ATP8A2: variants seen among roughly 807,000 people sequenced by gnomAD.
ATP8A2 encodes the protein phospholipid-transporting ATPase IB.
In ATP8A2, 100 loss-of-function variants were observed where a neutral mutation model predicts 165.6. The ratio of observed to expected loss-of-function variants is 0.60; its 90% CI spans 0.51 to 0.71. The LOEUF is 0.71. Ranked by LOEUF, ATP8A2 falls within the 30% of genes least tolerant of loss-of-function variation. The pLI is 0.00. For missense variants in ATP8A2, 1,227 were observed against 1,479.5 expected, an observed-to-expected ratio of 0.83 and a Z score of 2.80; for synonymous variants, 543 against 548.8, an observed-to-expected ratio of 0.99 and a Z score of 0.15.
At chr13:25,517,607 C>T (rs9581368) in intron 2 of ATP8A2, among the ~76,000 whole-genome samples, 9,015 of 152,236 alleles carry the variant, frequency 0.059, 341 homozygotes, top group South Asian at 0.13. Context: ...GGTCAGCAGT[C>T]GACTTCCATT....
At chr13:25,698,485 C>T (rs577549757) in intron 24 of ATP8A2, among the ~76,000 whole-genome samples, 19 of 152,210 alleles carry the variant, frequency 1.2e-4, no homozygotes, top group African/African-American at 2.4e-4. Flanking sequence ...CCTCCTGTCT[C>T]GGCCTCCTAA....
chr13:25,517,441 A>C (rs2037516504), intron 2 of ATP8A2, among the ~76,000 whole-genome samples: 1 of 152,210 alleles, frequency 6.6e-6, no homozygotes, highest in Admixed American at 6.5e-5. Context: ...GTTGAGATAA[A>C]GTGTTTCATG....
intron 13 of ATP8A2, among the ~76,000 whole-genome samples, chr13:25,555,979 A>G (rs1452940032): frequency 6.6e-6 from 1 of 152,136 alleles, no homozygotes; most frequent in Non-Finnish European, 1.5e-5. Flanking sequence ...TATGTATTCC[A>G]TGGTGTATAT....
At chr13:25,475,675 C>T (rs1007822575) in intron 2 of ATP8A2, among the ~76,000 whole-genome samples, 20 of 152,166 alleles carry the variant, frequency 1.3e-4, no homozygotes, top group African/African-American at 4.3e-4. Flanking sequence ...ACCTCACCAG[C>T]GTATGTTATA....
intron 33 of ATP8A2, among the ~76,000 whole-genome samples, chr13:25,883,879 C>T (rs182612080): frequency 1.1e-4 from 16 of 152,230 alleles, no homozygotes; most frequent in African/African-American, 3.6e-4. Context: ...AGACCTTGAG[C>T]GACCTTCTTG....
chr13:25,603,352 G>A (rs1420726374), intron 24 of ATP8A2, among the ~76,000 whole-genome samples: 1 of 151,570 alleles, frequency 6.6e-6, no homozygotes, highest in Non-Finnish European at 1.5e-5. Context: ...TTTAGCCAGT[G>A]TGGTGGTGCT....
intron 25 of ATP8A2, among the ~76,000 whole-genome samples, chr13:25,703,140 C>T (rs745564067): frequency 7.2e-5 from 11 of 152,114 alleles, no homozygotes; most frequent in East Asian, 1.9e-4. Flanking sequence ...AGTGCAGTGG[C>T]GCTATCTCAG....
At chr13:25,961,809 A>G in intron 34 of ATP8A2, 146 bp downstream of exon 34, 1 of 626,542 alleles carries the variant, frequency 1.6e-6, no homozygotes, top group South Asian at 2.0e-5. Flanking sequence ...TGAAAAAAAA[A>G]TTTTTTTAGT....
At chr13:25,973,432 TG>T (rs1003657898) in intron 35 of ATP8A2, among the ~76,000 whole-genome samples, 2 of 152,138 alleles carry the variant, frequency 1.3e-5, no homozygotes, top group African/African-American at 2.4e-5. Context: ...CTTGGACAGG[TG>T]GCCTGGGATC....
chr13:25,522,036 A>G (rs567704285), intron 2 of ATP8A2, among the ~76,000 whole-genome samples: 3 of 151,116 alleles, frequency 2.0e-5, no homozygotes, highest in East Asian at 3.9e-4. Flanking sequence ...TAGGGATTAT[A>G]TTGAATCTGT....
intron 2 of ATP8A2, among the ~76,000 whole-genome samples, chr13:25,472,861 G>T (rs983967810): frequency 6.6e-6 from 1 of 152,114 alleles, no homozygotes; most frequent in Non-Finnish European, 1.5e-5. Context: ...AGCCAGTTTT[G>T]GTTTGAAACC....
chr13:25,890,826 A>G (rs1230876988), intron 33 of ATP8A2, among the ~76,000 whole-genome samples: 2 of 152,250 alleles, frequency 1.3e-5, no homozygotes, highest in African/African-American at 2.4e-5. Flanking sequence ...CTTTGGAAAC[A>G]GAAGGTATTG....
Position 25,641,334 on chromosome 13 carries a change from G to C in ATP8A2, c.2211+51635G>C, listed in dbSNP as rs144337324. ...CAAATTGCCCCTGTTTGCAGATGAT[G>C]TGATTGTATATTTAGAAAACCCCAT... On this transcript the variant is annotated intron_variant, in intron 24 of 36. Coordinates refer to ENST00000381655, the MANE Select transcript of ATP8A2 (RefSeq NM_016529.6). Among the ~76,000 whole-genome samples the C allele has an allele frequency of 2.3e-3, 349 of 152,200 alleles. 3 individuals carry two copies. The highest frequency in any genetic ancestry group is 8.2e-3 in the African/African-American group (339 of 41,540).
At chr13:25,542,833 T>A (rs2038525978) in intron 9 of ATP8A2, among the ~76,000 whole-genome samples, 1 of 152,136 alleles carries the variant, frequency 6.6e-6, no homozygotes, top group African/African-American at 2.4e-5. Context: ...ACTCATTAAG[T>A]CATCCTTAAA....
At chr13:25,391,535 G>A (rs2033247023) in intron 1 of ATP8A2, among the ~76,000 whole-genome samples, 1 of 152,248 alleles carries the variant, frequency 6.6e-6, no homozygotes. Context: ...CAAGAAAGGT[G>A]AAGCTAATAA....
intron 1 of ATP8A2, among the ~76,000 whole-genome samples, chr13:25,396,549 G>A (rs973534386): frequency 3.9e-5 from 6 of 152,070 alleles, no homozygotes; most frequent in East Asian, 1.9e-4. Context: ...AGTCCCAGCC[G>A]GCTTCTGTCC....
chr13:25,771,185 G>A (rs1447444175), intron 26 of ATP8A2, among the ~76,000 whole-genome samples: 1 of 152,200 alleles, frequency 6.6e-6, no homozygotes, highest in Non-Finnish European at 1.5e-5. Context: ...TTTATAGGTG[G>A]GAAAACCGGG....
In ATP8A2 at chr13:25,540,246, A is replaced by G. The variant is rs147106121; in HGVS notation, c.582-73A>G. 9.2e-4 allele frequency: 1,028 copies of G among 1,115,424 alleles called. 7 individuals carry two copies. The African/African-American group carries it at 0.015, about 16-fold the overall frequency. 69.1% of individuals were successfully genotyped at this position (1,115,424 alleles called of 1,614,324 possible). A position where few individuals can be genotyped will look rare whatever the true frequency, so the allele number is the denominator to read the frequency against. On this transcript the variant is annotated intron_variant, in intron 7 of 36. Coordinates refer to ENST00000381655, the MANE Select transcript of ATP8A2 (RefSeq NM_016529.6). Reference sequence around the variant, plus strand: ...CCAATCAGCAGACACAGATTCCATAATAGAGATTTTCTAAACTGTGAATTT... The same window carrying G: ...CCAATCAGCAGACACAGATTCCATAGTAGAGATTTTCTAAACTGTGAATTT...
intron 33 of ATP8A2, among the ~76,000 whole-genome samples, chr13:25,891,475 A>G (rs1042569448): frequency 1.9e-4 from 29 of 152,024 alleles, no homozygotes; most frequent in African/African-American, 7.0e-4. Flanking sequence ...GGCACCCACC[A>G]TCATGCCCGC....
Sources: gnomAD v4.1 joint callset for allele counts (sites outside exome capture counted in the v4.1 genomes callset) on GRCh38, gnomAD v4.1.1 for gene constraint, MANE v1.5 for transcripts, NCBI Gene and HGNC (gene_info 2026-07-23, HGNC 2026-07-21) for gene names.